The following SLC38A9 variants were observed in gnomAD, a reference collection of about 807,000 sequenced individuals.
SLC38A9 encodes neutral amino acid transporter 9.
SLC38A9 carries 48 observed loss-of-function variants against 62.3 expected under a neutral mutation model. The ratio of observed to expected loss-of-function variants is 0.77; its 90% CI spans 0.61 to 0.98. SLC38A9 has a LOEUF of 0.98. Ranked by LOEUF, SLC38A9 falls within the 50% of genes least tolerant of loss-of-function variation. SLC38A9 has a pLI of 0.00. For synonymous variants in SLC38A9, 204 were observed against 227.7 expected, an observed-to-expected ratio of 0.90 and a Z score of 0.94; for missense variants, 541 against 679.8, an observed-to-expected ratio of 0.80 and a Z score of 2.27.
chr5:55,658,061 T>C (rs1748771306), intron 8 of SLC38A9: 1 of 152,262 alleles, frequency 6.6e-6, no homozygotes, highest in African/African-American at 2.4e-5. Context: ...CCTCAGAATG[T>C]GACCTTATTT....
intron 14 of SLC38A9, among the ~76,000 whole-genome samples, chr5:55,632,463 C>CAA (rs375630460): frequency 0.041 from 6,246 of 151,952 alleles, 178 homozygotes; most frequent in African/African-American, 0.088. Flanking sequence ...ACAACAACAA[C>CAA]AACAAAAACT....
rs541827197 is a variant in SLC38A9 at position 55,699,617 on chromosome 5, TA to T, written c.-34-1626del. 6.6e-5 allele frequency among the ~76,000 whole-genome samples: 10 copies of T among 151,856 alleles called. No homozygotes were observed. The South Asian group carries it at 2.1e-3, about 32-fold the overall frequency. On this transcript the variant is annotated intron_variant, in intron 2 of 15. Coordinates refer to ENST00000396865, the MANE Select transcript of SLC38A9 (RefSeq NM_173514.4). ...ACTTCAACTACAAAAATCAATGAAA[TA>T]AAAATATAAAATAATGTTTCCTATG...
intron 3 of SLC38A9, among the ~76,000 whole-genome samples, chr5:55,680,033 C>T (rs1380703905): frequency 6.6e-6 from 1 of 152,202 alleles, no homozygotes; most frequent in African/African-American, 2.4e-5. Flanking sequence ...CTCCTCCTTA[C>T]ACAAACCCAC....
Position 55,626,577 on chromosome 5 carries a change from G to A in SLC38A9, c.1603C>T (p.Arg535Cys), listed in dbSNP as rs1483098162. The A allele has an allele frequency of 3.7e-6, 6 of 1,613,816 alleles. No homozygotes were observed. Among genetic ancestry groups the A allele is most frequent in the Admixed American group, 1.7e-5 (1 of 60,010 alleles). ...AAGATTAATTTAGGCCATGTCAGAC[G>A]CTCTTCTTGGTGGAGGGAAATTATA... ...IYIISLHQEE[R>C]LTWPKLIFHV... is the part of the protein sequence containing the mutation. The change falls in exon 16 of 16, where the codon CGT (arginine) becomes TGT (cysteine). Residue 535 changes from arginine (R) to cysteine (C), a missense_variant. Physicochemically the swap from Arg to Cys is radical, Grantham distance 180. Transcript: ENST00000396865.
intron 3 of SLC38A9, among the ~76,000 whole-genome samples, chr5:55,685,380 T>C (rs35797132): frequency 0.6 from 91,164 of 152,008 alleles, 27,922 homozygotes; most frequent in South Asian, 0.7. Context: ...TTTTGTGTGG[T>C]TTCTTTCACA....
At chr5:55,671,731 C>G (rs1352262886) in intron 4 of SLC38A9, among the ~76,000 whole-genome samples, 1 of 152,044 alleles carries the variant, frequency 6.6e-6, no homozygotes, top group Non-Finnish European at 1.5e-5. Context: ...ACCTGTAACC[C>G]CAGCTACTCA....
intron 8 of SLC38A9, among the ~76,000 whole-genome samples, chr5:55,662,826 A>G (rs1000236492): frequency 1.3e-5 from 2 of 151,746 alleles, no homozygotes; most frequent in African/African-American, 4.8e-5. Flanking sequence ...TGGGGCTTCC[A>G]CTCTATCCAT....
intron 2 of SLC38A9, chr5:55,703,946 T>G (rs1756973013): frequency 6.6e-6 from 1 of 152,126 alleles, no homozygotes; most frequent in Non-Finnish European, 1.5e-5. Flanking sequence ...GGCCAGGAGA[T>G]TCAGAGTTGA....
chr5:55,636,824 G>A (rs1744462314), intron 12 of SLC38A9, among the ~76,000 whole-genome samples: 1 of 152,208 alleles, frequency 6.6e-6, no homozygotes, highest in Non-Finnish European at 1.5e-5. Context: ...AGCCCATGGA[G>A]CTAAAGGCTT....
intron 3 of SLC38A9, among the ~76,000 whole-genome samples, chr5:55,682,287 C>G (rs1365870643): frequency 6.6e-6 from 1 of 152,178 alleles, no homozygotes; most frequent in Non-Finnish European, 1.5e-5. Flanking sequence ...GCCAAAACAA[C>G]TACAATAAAT....
At chr5:55,681,393 TGA>T (rs1453952261) in intron 3 of SLC38A9, among the ~76,000 whole-genome samples, 21 of 152,350 alleles carry the variant, frequency 1.4e-4, no homozygotes, top group Non-Finnish European at 1.5e-5. Context: ...GGCATTTCAG[TGA>T]GTCTTAAGGA....
rs1742357885 is a variant in SLC38A9 at position 55,625,877 on chromosome 5, T to C, written c.*617A>G. ...GCAACAAACTCTCCTACTTTATTTA[T>C]TTTGTATACATTTCATGATCCTGGG... On this transcript the variant is annotated 3_prime_UTR_variant, in exon 16 of 16. Coordinates refer to ENST00000396865, the MANE Select transcript of SLC38A9 (RefSeq NM_173514.4). 6.6e-6 allele frequency: 1 copy of C among 151,868 alleles called. No homozygotes were observed. Among genetic ancestry groups the C allele is most frequent in the African/African-American group, 2.4e-5 (1 of 40,984 alleles). The allele number at this position is 151,868 out of a possible 1,614,324, so 9.4% of individuals were successfully genotyped here. A position where few individuals can be genotyped will look rare whatever the true frequency, so the allele number is the denominator to read the frequency against.
chr5:55,649,291 T>C lies in SLC38A9; in HGVS notation c.976A>G (p.Ile326Val). ...ACAGCCTTAAAGGTGACAAGGAAAA[T>C]CAAATAAAGGACAGACACTGTGCCT... is the stretch of plus-strand genomic sequence containing the variant. ...ILGTVSVLYL[I>V]FLVTFKAVRL... The change falls in exon 11 of 16, where the codon ATT (isoleucine) becomes GTT (valine). Residue 326 changes from isoleucine to valine, a missense_variant. Physicochemically the swap from Ile to Val is conservative, Grantham distance 29. Coordinates refer to ENST00000396865, the MANE Select transcript of SLC38A9 (RefSeq NM_173514.4). The C allele has an allele frequency of 6.2e-7, 1 of 1,606,464 alleles. No individual in the cohort carries two copies. Among genetic ancestry groups the C allele is most frequent in the Non-Finnish European group, 8.5e-7 (1 of 1,176,838 alleles).
intron 8 of SLC38A9, 86 bp from the exon 9 acceptor site, chr5:55,656,860 CT>C: frequency 8.7e-6 from 4 of 462,016 alleles, no homozygotes; most frequent in Non-Finnish European, 1.1e-5. Context: ...TTATAAAAAT[CT>C]TTTTTTTTTC....
At chr5:55,678,664 T>TG (rs1580317415) in intron 3 of SLC38A9, among the ~76,000 whole-genome samples, 2 of 139,868 alleles carry the variant, frequency 1.4e-5, no homozygotes, top group East Asian at 2.1e-4. Context: ...TTTTTTTTTT[T>TG]TTTTTTTTTT....
intron 2 of SLC38A9, among the ~76,000 whole-genome samples, chr5:55,709,257 A>G (rs1757687917): frequency 6.6e-6 from 1 of 152,184 alleles, no homozygotes; most frequent in African/African-American, 2.4e-5. Context: ...TCCTTCTACA[A>G]TGGGAACACT....
intron 12 of SLC38A9, among the ~76,000 whole-genome samples, chr5:55,640,425 T>C (rs1479888647): frequency 6.6e-6 from 1 of 152,218 alleles, no homozygotes; most frequent in Non-Finnish European, 1.5e-5. Flanking sequence ...AGAACTCATT[T>C]TATGGTATTT....
At chr5:55,711,161 C>T (rs570296191) in intron 2 of SLC38A9, among the ~76,000 whole-genome samples, 288 of 151,522 alleles carry the variant, frequency 1.9e-3, no homozygotes, top group Middle Eastern at 3.4e-3. Flanking sequence ...GGCGTGGTGG[C>T]GGGCAGCTGT....
chr5:55,707,987 A>G (rs191337348), intron 2 of SLC38A9, among the ~76,000 whole-genome samples: 21 of 152,244 alleles, frequency 1.4e-4, no homozygotes, highest in Non-Finnish European at 1.5e-5. Flanking sequence ...CCAAACATCA[A>G]ATCTGCAGGT....
Sources: allele counts gnomAD v4.1 joint callset (sites outside exome capture counted in the v4.1 genomes callset), GRCh38; gene constraint gnomAD v4.1.1; transcripts MANE v1.5; gene names NCBI Gene and HGNC (gene_info 2026-07-23, HGNC 2026-07-21).